Variants in REC8 observed in about 807,000 individuals in gnomAD.
The protein encoded by REC8 is meiotic recombination protein REC8 homolog.
In REC8, 42 loss-of-function variants were observed where a neutral mutation model predicts 78.3. The ratio of observed to expected loss-of-function variants is 0.54; its 90% CI spans 0.42 to 0.69. The LOEUF (loss-of-function observed/expected upper bound fraction) is 0.69. REC8 is among the 30% of genes least tolerant of loss of function. The pLI, the probability that REC8 is intolerant of heterozygous loss-of-function variation, is 0.00. For synonymous variants in REC8, 268 were observed against 274.1 expected, an observed-to-expected ratio of 0.98 and a Z score of 0.22; for missense variants, 581 against 715.8, an observed-to-expected ratio of 0.81 and a Z score of 2.15.
intron 12 of REC8, 54 bp downstream of exon 12, chr14:24,178,276 G>C (rs987927257): frequency 1.6e-5 from 24 of 1,499,150 alleles, no homozygotes; most frequent in Middle Eastern, 3.4e-4. Flanking sequence ...GATGACCAGG[G>C]GCACATGCAG....
At chr14:24,174,463 A>G (rs2139125675) in intron 5 of REC8, among the ~76,000 whole-genome samples, 1 of 152,128 alleles carries the variant, frequency 6.6e-6, no homozygotes, top group South Asian at 2.1e-4. Context: ...TCTTTAGTAG[A>G]GATGGAGTTT....
At chr14:24,175,473 G>A in intron 5 of REC8, 70 bp from the exon 6 acceptor site, 1 of 1,173,896 alleles carries the variant, frequency 8.5e-7, no homozygotes, top group Non-Finnish European at 1.3e-6. Flanking sequence ...TGTTGAAGAA[G>A]GCTGTGAAAA....
downstream of REC8, chr14:24,180,302 C>G (rs1156463663): frequency 1.3e-6 from 2 of 1,510,036 alleles, no homozygotes; most frequent in South Asian, 1.3e-5. Context: ...CAGGGACAGC[C>G]CTGTAAGGCA....
At position 24,178,962 on chromosome 14, in the gene REC8, G is replaced by C. The variant is rs760882526; in HGVS notation, c.1203+46G>C. The C allele has an allele frequency of 5.0e-6, 8 of 1,608,230 alleles. No individual in the cohort carries two copies. In the African/African-American group the frequency reaches 1.1e-4, roughly 21 times the overall value. On this transcript the variant is annotated intron_variant, in intron 14 of 18. Coordinates refer to ENST00000611366, the MANE Select transcript of REC8 (RefSeq NM_001048205.2). ...CTGCATCGCCCCAGTGCCAGGGTCT[G>C]CCTGACCAGCTGGCTGCCCTCTCCT...
Position 24,179,686 on chromosome 14 carries a change from C to T in REC8, c.1411C>T (p.Pro471Ser). Residue 471 changes from proline (P) to serine (S), a missense_variant, in exon 17 of 19, where the codon CCC becomes TCC. Physicochemically the swap from Pro to Ser is moderately conservative, Grantham distance 74 (BLOSUM62 -1). Transcript: ENST00000611366. ...EVPMEMPLVL[P>S]PELELLSLEA... ...GCCCATGGAGATGCCTTTGGTGCTG[C>T]CCCCAGAGCTCGAGCTGCTCTCACT... 2 of 1,614,206 alleles carry T rather than the reference C, an allele frequency of 1.2e-6. No individual in the cohort carries two copies. Among genetic ancestry groups the T allele is most frequent in the South Asian group, 1.1e-5 (1 of 91,088 alleles).
At chr14:24,178,992 T>C (rs2138796600) in intron 14 of REC8, 76 bp downstream of exon 14, 1 of 1,596,998 alleles carries the variant, frequency 6.3e-7, no homozygotes, top group Non-Finnish European at 8.6e-7. Context: ...TCTCCTGCTA[T>C]GAGAGCCAAC....
intron 6 of REC8, 65 bp from the exon 7 acceptor site, chr14:24,176,757 T>A (rs1356061370): frequency 1.5e-6 from 2 of 1,304,806 alleles, no homozygotes; most frequent in Middle Eastern, 1.8e-4. Flanking sequence ...ATGCTTTTCC[T>A]TAACTGCATG....
chr14:24,177,051 G>T (rs145382578), intron 7 of REC8, 90 bp from the exon 8 acceptor site: 1 of 1,404,956 alleles, frequency 7.1e-7, no homozygotes, highest in African/African-American at 1.4e-5. Context: ...TGGCCCTGTG[G>T]CATGCCTCTG....
chr14:24,179,467 A>G lies in REC8; in HGVS notation c.1319+4A>G. On this transcript the variant is annotated splice_donor_region_variant and intron_variant, in intron 16 of 18. Transcript: ENST00000611366. The stretch of plus-strand genomic sequence containing the variant: ...TCATCCCACCAGAAGAACGGTGGTA[A>G]GCGGCCAGGCTCCGTGGGAGCCAGG... The G allele has an allele frequency of 6.2e-7, 1 of 1,614,126 alleles. No homozygotes were observed. Among genetic ancestry groups the G allele is most frequent in the Non-Finnish European group, 8.5e-7 (1 of 1,180,006 alleles).
rs1594420684 is a variant in REC8, at chr14:24,177,485, C to T, written c.758C>T (p.Ala253Val). Residue 253 changes from alanine to valine, a missense_variant, in exon 10 of 19, where the codon GCA (alanine) becomes GTA (valine). Physicochemically the swap from Ala to Val is moderately conservative, Grantham distance 64 (BLOSUM62 0). Transcript: ENST00000611366. ...CTCAGGGTGGAAGGAATAGGAGAGGCACTGGGTCCTGAGGAGCTGAGGCTG... is the reference window on the plus strand; with the variant it reads ...CTCAGGGTGGAAGGAATAGGAGAGGTACTGGGTCCTGAGGAGCTGAGGCTG... ...APAEVEGIGE[A>V]LGPEELRLTG... 6.2e-7 allele frequency: 1 copy of T among 1,614,142 alleles called. No homozygotes were observed. Among genetic ancestry groups the T allele is most frequent in the Non-Finnish European group, 8.5e-7 (1 of 1,180,014 alleles).
In REC8 at chr14:24,179,741, G is replaced by A. The variant is rs762582823; in HGVS notation, c.1451+15G>A. The A allele has an allele frequency of 1.2e-6, 2 of 1,614,054 alleles. No homozygotes were observed. Among genetic ancestry groups the A allele is most frequent in the Non-Finnish European group, 1.7e-6 (2 of 1,180,036 alleles). On this transcript the variant is annotated intron_variant, in intron 17 of 18. Transcript: ENST00000611366. The stretch of plus-strand genomic sequence containing the variant: ...GCAGTGCACAGGTACCAGGGAGGTG[G>A]CACCTTGATGGGGTGGACCCGGGCT...
chr14:24,175,477 G>A, intron 5 of REC8, 66 bp from the exon 6 acceptor site: 1 of 1,264,776 alleles, frequency 7.9e-7, no homozygotes, highest in Non-Finnish European at 1.2e-6. Flanking sequence ...GAAGAAGGCT[G>A]TGAAAAGTGG....
At chr14:24,174,952 C>T (rs1381525135) in intron 5 of REC8, among the ~76,000 whole-genome samples, 1 of 151,928 alleles carries the variant, frequency 6.6e-6, no homozygotes, top group Admixed American at 6.6e-5. Context: ...TTTCTGTTCA[C>T]CTCTGTCAAC....
At position 24,176,912 on chromosome 14, in the gene REC8, C is replaced by T. The variant is rs1594417869; in HGVS notation, c.624+11C>T. On this transcript the variant is annotated intron_variant, in intron 7 of 18. Transcript: ENST00000611366. ...ATGCTGGAGATTGAGGTGAGTTCCCCTGCACACAGGGCCTGAGGTCCAGCC... is the reference window on the plus strand; with the variant it reads ...ATGCTGGAGATTGAGGTGAGTTCCCTTGCACACAGGGCCTGAGGTCCAGCC... 1 of 1,609,134 alleles carries T rather than the reference C, an allele frequency of 6.2e-7. No homozygotes were observed. The highest frequency in any genetic ancestry group is 1.1e-5 in the South Asian group (1 of 90,706).
chr14:24,176,788 A>G, intron 6 of REC8, 34 bp from the exon 7 acceptor site: 1 of 1,550,072 alleles, frequency 6.5e-7, no homozygotes, highest in Non-Finnish European at 8.9e-7. Context: ...TTTGGAAAGA[A>G]GCAGAGAGGC....
rs772406435 is a variant in REC8 at position 24,176,889 on chromosome 14, G to A, written c.612G>A (p.Met204Ile). ...TCCTGGAGGCAGAGCCCATACGGATGCTGGAGATTGAGGTGAGTTCCCCTG... is the reference window on the plus strand; with the variant it reads ...TCCTGGAGGCAGAGCCCATACGGATACTGGAGATTGAGGTGAGTTCCCCTG... ...ITILEAEPIRMLEIEGERELP... is the reference protein window; with the variant it reads ...ITILEAEPIRILEIEGERELP... The change falls in exon 7 of 19, where the codon ATG (methionine) becomes ATA (isoleucine). Residue 204 changes from methionine (M) to isoleucine (I), a missense_variant. Transcript: ENST00000611366. 4.3e-6 allele frequency: 7 copies of A among 1,613,382 alleles called. No individual in the cohort carries two copies. The East Asian group carries it at 8.9e-5, about 21-fold the overall frequency.
chr14:24,175,171 A>G lies in REC8; in HGVS notation c.463-372A>G, dbSNP rs566450616. Reference sequence around the variant, plus strand: ...ACAGGCACTGCTACCAAGCCCGGCTAATTTTTGTATTTTTAGTAGAAATCA... The same window carrying G: ...ACAGGCACTGCTACCAAGCCCGGCTGATTTTTGTATTTTTAGTAGAAATCA... On this transcript the variant is annotated intron_variant, in intron 5 of 18. Coordinates refer to ENST00000611366, the MANE Select transcript of REC8 (RefSeq NM_001048205.2). The G allele has an allele frequency of 9.6e-4, 161 of 167,628 alleles. 2 individuals carry two copies. The highest frequency in any genetic ancestry group is 1.5e-3 in the Non-Finnish European group (119 of 77,320). The allele number at this position is 167,628 out of a possible 1,614,324, so 10.4% of individuals were successfully genotyped here.
rs541713633 is a variant in REC8, at chr14:24,173,554, G to C, written c.462+143G>C. The C allele has an allele frequency of 2.7e-6, 4 of 1,486,002 alleles. No individual in the cohort carries two copies. The East Asian group carries it at 6.8e-5, about 25-fold the overall frequency. The allele number at this position is 1,486,002 out of a possible 1,614,324, so 92.1% of individuals were successfully genotyped here. ...ATGGTGCAGGGGGACTGCCAAGGTG[G>C]ACCCATCCAGGCGAAGCCCCCTGTA... is the stretch of plus-strand genomic sequence containing the variant. On this transcript the variant is annotated intron_variant, in intron 5 of 18. Transcript: ENST00000611366.
chr14:24,177,209 T>C lies in REC8; in HGVS notation c.693T>C (p.Ala231=). The C allele has an allele frequency of 1.9e-6, 3 of 1,614,010 alleles. No individual in the cohort carries two copies. The highest frequency in any genetic ancestry group is 2.5e-6 in the Non-Finnish European group (3 of 1,179,914). ...LDLLIAEEEE[A]ILLEIPRLPP... is the part of the protein sequence containing the mutation. Reference sequence around the variant, plus strand: ...TGCTGATCGCAGAGGAAGAAGAAGCTATCTTGTTAGAAAGTAGGTGTCTCC... The same window carrying C: ...TGCTGATCGCAGAGGAAGAAGAAGCCATCTTGTTAGAAAGTAGGTGTCTCC... The change falls in exon 8 of 19, where the codon GCT becomes GCC. Residue 231 remains alanine (A), a synonymous_variant. Transcript: ENST00000611366.
Sources: allele counts gnomAD v4.1 joint callset (sites outside exome capture counted in the v4.1 genomes callset), GRCh38; gene constraint gnomAD v4.1.1; transcripts MANE v1.5; gene names NCBI Gene and HGNC (gene_info 2026-07-23, HGNC 2026-07-21).